Variants in PLXDC2 observed in about 807,000 individuals in gnomAD.
The protein encoded by PLXDC2 is plexin domain containing 2, also known as plexin domain-containing protein 2.
In PLXDC2, 40 loss-of-function variants were observed where a neutral mutation model predicts 68.9. That is an observed-to-expected ratio of 0.58 (90% confidence interval 0.45 to 0.76). The LOEUF is 0.76. Ranked by LOEUF, PLXDC2 falls within the 30% of genes least tolerant of loss-of-function variation. PLXDC2 has a pLI of 0.00. For missense variants in PLXDC2, 644 were observed against 661.9 expected (o/e 0.97, Z 0.30); for synonymous variants, 243 against 234.2 (o/e 1.04, Z -0.34).
intron 1 of PLXDC2, among the ~76,000 whole-genome samples, chr10:19,988,625 C>T (rs976780882): frequency 6.6e-6 from 1 of 151,860 alleles, no homozygotes; most frequent in Non-Finnish European, 1.5e-5. Flanking sequence ...AAAGATAAAA[C>T]ATATTCATAT....
intron 9 of PLXDC2, among the ~76,000 whole-genome samples, chr10:20,201,979 T>G (rs1293370531): frequency 1.3e-5 from 2 of 152,206 alleles, no homozygotes; most frequent in African/African-American, 4.8e-5. Context: ...TTTGTAAATT[T>G]CTTTCAAAAT....
At chr10:19,857,624 G>A (rs1172928442) in intron 1 of PLXDC2, among the ~76,000 whole-genome samples, 2 of 152,160 alleles carry the variant, frequency 1.3e-5, no homozygotes, top group South Asian at 4.1e-4. Flanking sequence ...TTGTATCCAT[G>A]TATTGGTATG....
chr10:20,172,184 C>T (rs149074522), intron 7 of PLXDC2, among the ~76,000 whole-genome samples: 1 of 142,588 alleles, frequency 7.0e-6, no homozygotes, highest in East Asian at 2.1e-4. Flanking sequence ...TGAGACCCAA[C>T]ACACCCAATT....
intron 1 of PLXDC2, among the ~76,000 whole-genome samples, chr10:19,910,212 G>A (rs1050802581): frequency 6.7e-6 from 1 of 149,822 alleles, no homozygotes; most frequent in East Asian, 2.0e-4. Flanking sequence ...AAGTTCAGTG[G>A]ATTTGTACTT....
rs537831748 is a variant in PLXDC2 at position 19,963,698 on chromosome 10, G to A, written c.113-38077G>A. ...ACCGGGGCCTGTTGTGGGGTGGGGC[G>A]AGAGGGGAGGGACAGCATTAGGAGA... On this transcript the variant is annotated intron_variant, in intron 1 of 13. Transcript: ENST00000377252. Among the ~76,000 whole-genome samples the A allele has an allele frequency of 4.6e-5, 7 of 152,194 alleles. No individual in the cohort carries two copies. The East Asian group carries it at 5.8e-4, about 13-fold the overall frequency.
intron 9 of PLXDC2, among the ~76,000 whole-genome samples, chr10:20,207,595 C>G (rs1024298949): frequency 2.8e-4 from 43 of 152,170 alleles, no homozygotes; most frequent in African/African-American, 9.9e-4. Context: ...ACATCCCCAT[C>G]TTCCAAAACA....
chr10:19,961,608 AG>A (rs1834155708), intron 1 of PLXDC2, among the ~76,000 whole-genome samples: 1 of 152,220 alleles, frequency 6.6e-6, no homozygotes, highest in South Asian at 2.1e-4. Flanking sequence ...GGGGAGACAA[AG>A]CTGATCCTGT....
chr10:20,229,043 A>G (rs922390629), intron 12 of PLXDC2, among the ~76,000 whole-genome samples: 7 of 152,150 alleles, frequency 4.6e-5, no homozygotes, highest in Admixed American at 3.9e-4. Context: ...AGAAAAATGG[A>G]AGAAGGGAAG....
chr10:20,101,345 T>C (rs7090610), intron 4 of PLXDC2, among the ~76,000 whole-genome samples: 97,542 of 152,028 alleles, frequency 0.64, 32,806 homozygotes, highest in East Asian at 1. Context: ...TCCTGTCAAC[T>C]GTAGTCAATC....
chr10:19,951,190 A>G (rs1456685024), intron 1 of PLXDC2, among the ~76,000 whole-genome samples: 1 of 152,180 alleles, frequency 6.6e-6, no homozygotes, highest in Non-Finnish European at 1.5e-5. Flanking sequence ...GAAGCTATCA[A>G]CAGAATACCC....
chr10:20,140,401 T>C (rs1052641404), intron 4 of PLXDC2, among the ~76,000 whole-genome samples: 1 of 71,598 alleles, frequency 1.4e-5, no homozygotes, highest in African/African-American at 5.7e-5. Flanking sequence ...TATATATATA[T>C]AAAATATCTA....
chr10:20,162,063 A>AAAAG (rs1174805204), intron 6 of PLXDC2, among the ~76,000 whole-genome samples: 1 of 70,540 alleles, frequency 1.4e-5, no homozygotes, highest in East Asian at 6.3e-4. Flanking sequence ...AGAGAGAGAG[A>AAAAG]GAGAGAGAGA....
chr10:19,982,172 G>A (rs745558058), intron 1 of PLXDC2, among the ~76,000 whole-genome samples: 8 of 152,162 alleles, frequency 5.3e-5, no homozygotes, highest in Non-Finnish European at 1.0e-4. Flanking sequence ...CTGAATTTTT[G>A]TAAAATCTTA....
intron 7 of PLXDC2, among the ~76,000 whole-genome samples, chr10:20,165,101 G>T (rs948129625): frequency 3.3e-5 from 5 of 152,128 alleles, no homozygotes; most frequent in Admixed American, 2.0e-4. Flanking sequence ...AGGATTACAG[G>T]CGTGAGCCAC....
At chr10:20,126,041 C>G (rs1006464495) in intron 4 of PLXDC2, among the ~76,000 whole-genome samples, 5 of 147,878 alleles carry the variant, frequency 3.4e-5, no homozygotes, top group African/African-American at 1.2e-4. Context: ...TACATTTGTA[C>G]ATTTGCGTAT....
intron 1 of PLXDC2, among the ~76,000 whole-genome samples, chr10:19,934,367 C>A (rs1308650323): frequency 6.6e-6 from 1 of 152,146 alleles, no homozygotes; most frequent in Admixed American, 6.5e-5. Context: ...AAGGAAGAAG[C>A]TAATATAAAA....
Position 20,155,155 on chromosome 10 carries a change from A to G in PLXDC2, c.783+7253A>G, listed in dbSNP as rs1258343936. ...CCATTGCCAATTAGTTGTAAGTTTC[A>G]ATGGGGCTCTTAATGCATTTTTTAA... On this transcript the variant is annotated intron_variant, in intron 6 of 13. Coordinates refer to ENST00000377252, the MANE Select transcript of PLXDC2 (RefSeq NM_032812.9). 3.3e-5 allele frequency among the ~76,000 whole-genome samples: 5 copies of G among 152,186 alleles called. No individual in the cohort carries two copies. In the East Asian group the frequency reaches 9.6e-4, roughly 29 times the overall value.
chr10:20,146,450 T>C (rs150420599), intron 5 of PLXDC2, among the ~76,000 whole-genome samples: 45,961 of 145,608 alleles, frequency 0.32, 9,539 homozygotes, highest in Non-Finnish European at 0.48. Flanking sequence ...TTTCTTCCTT[T>C]CTTCCTTCCT....
At chr10:19,927,229 G>A (rs757580049) in intron 1 of PLXDC2, among the ~76,000 whole-genome samples, 6 of 152,182 alleles carry the variant, frequency 3.9e-5, no homozygotes, top group Non-Finnish European at 5.9e-5. Flanking sequence ...ACAAGACACT[G>A]AACTGCAGTA....
Sources: gnomAD v4.1 joint callset for allele counts (sites outside exome capture counted in the v4.1 genomes callset) on GRCh38, gnomAD v4.1.1 for gene constraint, MANE v1.5 for transcripts, NCBI Gene and HGNC (gene_info 2026-07-23, HGNC 2026-07-21) for gene names.